Variants in TTC29 observed in about 807,000 individuals in gnomAD.
The protein encoded by TTC29 is tetratricopeptide repeat protein 29.
Under a neutral mutation model 58.1 loss-of-function variants are expected in TTC29, and 49 were observed. That is an observed-to-expected ratio of 0.84 (90% confidence interval 0.67 to 1.07). The LOEUF (loss-of-function observed/expected upper bound fraction) is 1.07. Ranked by LOEUF, TTC29 falls within the 50% of genes least tolerant of loss-of-function variation. TTC29 has a pLI of 0.00. For missense variants in TTC29, 582 were observed against 555.6 expected (o/e 1.05, Z -0.48); for synonymous variants, 209 against 196.8 (o/e 1.06, Z -0.52).
At chr4:146,795,477 C>T (rs1046674701) in intron 11 of TTC29, among the ~76,000 whole-genome samples, 2 of 151,978 alleles carry the variant, frequency 1.3e-5, no homozygotes, top group South Asian at 2.1e-4. Flanking sequence ...ATTTGTAAAG[C>T]GATATTTGTC....
chr4:146,806,822 G>A (rs773956892), intron 10 of TTC29, among the ~76,000 whole-genome samples: 26 of 151,890 alleles, frequency 1.7e-4, no homozygotes, highest in Non-Finnish European at 2.8e-4. Context: ...AATATTAGAC[G>A]GATCAACGAG....
intron 11 of TTC29, among the ~76,000 whole-genome samples, chr4:146,799,099 G>A (rs1337186426): frequency 2.0e-5 from 3 of 152,040 alleles, no homozygotes; most frequent in Non-Finnish European, 2.9e-5. Flanking sequence ...CAGATCACTG[G>A]ACTCTTGACT....
chr4:146,828,879 T>C (rs971444512), intron 9 of TTC29, among the ~76,000 whole-genome samples: 4 of 152,216 alleles, frequency 2.6e-5, no homozygotes, highest in Non-Finnish European at 2.9e-5. Flanking sequence ...ATCTGAAATA[T>C]TAACATTATA....
At chr4:146,882,529 T>C (rs1731700886) in intron 6 of TTC29, among the ~76,000 whole-genome samples, 1 of 152,138 alleles carries the variant, frequency 6.6e-6, no homozygotes, top group Non-Finnish European at 1.5e-5. Context: ...TCGATAGGTA[T>C]AAACATCTGA....
At chr4:146,741,016 A>G (rs1579567686) in intron 11 of TTC29, among the ~76,000 whole-genome samples, 2 of 152,176 alleles carry the variant, frequency 1.3e-5, no homozygotes, top group African/African-American at 4.8e-5. Flanking sequence ...GCCACCGACC[A>G]TGGTGGAACA....
At chr4:146,832,053 C>T (rs1229362095) in intron 9 of TTC29, among the ~76,000 whole-genome samples, 1 of 152,176 alleles carries the variant, frequency 6.6e-6, no homozygotes, top group Non-Finnish European at 1.5e-5. Flanking sequence ...CCCACCACCA[C>T]ACCCAGCTTA....
chr4:146,722,645 C>T (rs1743455624), intron 11 of TTC29, among the ~76,000 whole-genome samples: 1 of 152,128 alleles, frequency 6.6e-6, no homozygotes, highest in East Asian at 1.9e-4. Flanking sequence ...AAATGGACCC[C>T]TACCTTTTAC....
intron 4 of TTC29, among the ~76,000 whole-genome samples, chr4:146,917,049 TG>T (rs1291239617): frequency 6.6e-6 from 1 of 151,224 alleles, no homozygotes; most frequent in Non-Finnish European, 1.5e-5. Flanking sequence ...TAAATTATGA[TG>T]GATTCTCTAA....
chr4:146,932,080 A>G (rs747365350), intron 4 of TTC29, among the ~76,000 whole-genome samples: 1 of 151,686 alleles, frequency 6.6e-6, no homozygotes, highest in South Asian at 2.1e-4. Context: ...CTGGTTTCAC[A>G]TCCTAGAGAT....
At chr4:146,865,863 A>C (rs1730529203) in intron 8 of TTC29, among the ~76,000 whole-genome samples, 1 of 152,210 alleles carries the variant, frequency 6.6e-6, no homozygotes, top group South Asian at 2.1e-4. Context: ...CACATTGTAC[A>C]TCTTAAATAG....
chr4:146,759,458 C>T (rs1376280723), intron 11 of TTC29, among the ~76,000 whole-genome samples: 1 of 151,972 alleles, frequency 6.6e-6, no homozygotes. Context: ...ACCCTAATAC[C>T]AAAACCAGGA....
chr4:146,843,585 T>A (rs1728987690), intron 8 of TTC29, among the ~76,000 whole-genome samples: 2 of 152,266 alleles, frequency 1.3e-5, no homozygotes, highest in Middle Eastern at 6.8e-3. Context: ...GAGCTCATTG[T>A]GTGACTATGG....
At position 146,937,660 on chromosome 4, in the gene TTC29, T is replaced by C. The variant is rs1489058804; in HGVS notation, c.110A>G (p.Glu37Gly). The change falls in exon 4 of 13, where the codon GAA (glutamate) becomes GGA (glycine). Residue 37 changes from glutamate (E) to glycine (G), a missense_variant. By Grantham distance (98) the Glu-to-Gly change is moderately conservative. Transcript: ENST00000325106. The part of the protein sequence containing the change: ...RKIPRSQLIK[E>G]KDDIDHYLEV... ...TAGATAATGATCTATGTCATCTTTT[T>C]CTTTGATCAATTGAGACCTAAATGA... The C allele has an allele frequency of 1.3e-6, 2 of 1,524,708 alleles. No individual in the cohort carries two copies. The highest frequency in any genetic ancestry group is 1.8e-6 in the Non-Finnish European group (2 of 1,128,300). 94.4% of individuals were successfully genotyped at this position (1,524,708 alleles called of 1,614,324 possible).
intron 11 of TTC29, among the ~76,000 whole-genome samples, chr4:146,750,053 A>G (rs58989162): frequency 0.048 from 7,329 of 152,126 alleles, 607 homozygotes; most frequent in African/African-American, 0.17. Flanking sequence ...GTCGCCCTAC[A>G]TTGGAGTACA....
At position 146,772,843 on chromosome 4, in the gene TTC29, C is replaced by A. The variant is rs139015404; in HGVS notation, c.1330+30614G>T. On this transcript the variant is annotated intron_variant, in intron 11 of 12. Transcript: ENST00000325106. ...TATGACCATTGTAACAATATTGATT[C>A]TTTCTATCTATGAGCATGGAATATC... Among the ~76,000 whole-genome samples, 736 of 152,156 alleles carry A rather than the reference C, an allele frequency of 4.8e-3. 4 individuals carry two copies. The highest frequency in any genetic ancestry group is 5.8e-3 in the Non-Finnish European group (395 of 67,984).
chr4:146,802,576 A>G (rs1380524211), intron 11 of TTC29, among the ~76,000 whole-genome samples: 1 of 152,250 alleles, frequency 6.6e-6, no homozygotes, highest in African/African-American at 2.4e-5. Context: ...ATTATTTACA[A>G]TTTATTCTAT....
chr4:146,743,054 T>C (rs896277407), intron 11 of TTC29, among the ~76,000 whole-genome samples: 9 of 151,742 alleles, frequency 5.9e-5, no homozygotes, highest in Non-Finnish European at 1.2e-4. Flanking sequence ...GCTCTGGCCC[T>C]TTACTCTCCA....
intron 6 of TTC29, among the ~76,000 whole-genome samples, chr4:146,883,396 T>C (rs1305045316): frequency 3.1e-5 from 4 of 128,728 alleles, no homozygotes; most frequent in East Asian, 5.5e-4. Flanking sequence ...TAGTTTCTTT[T>C]TGTTTTTTTT....
chr4:146,945,480 T>A (rs1736849639), intron 1 of TTC29: 1 of 152,252 alleles, frequency 6.6e-6, no homozygotes, highest in Admixed American at 6.5e-5. Context: ...TTCACTCCCC[T>A]CAGAGGGTCA....
Sources: gnomAD v4.1 joint callset for allele counts (sites outside exome capture counted in the v4.1 genomes callset) on GRCh38, gnomAD v4.1.1 for gene constraint, MANE v1.5 for transcripts, NCBI Gene and HGNC (gene_info 2026-07-23, HGNC 2026-07-21) for gene names.